Variants in RBFOX1 observed in about 807,000 individuals in gnomAD.
The protein encoded by RBFOX1 is RNA binding protein fox-1 homolog 1.
A neutral mutation model predicts 57.7 loss-of-function variants in RBFOX1; 8 were observed. The observed-to-expected ratio is 0.14, with a 90% CI of 0.08 to 0.25. The LOEUF (loss-of-function observed/expected upper bound fraction) is 0.25, where lower values mean the gene tolerates loss of function less well. RBFOX1 is among the 10% of genes least tolerant of loss of function. The probability of loss-of-function intolerance (pLI) is 1.00; values close to 1 mark genes in which losing one functional copy is unlikely to be tolerated. For missense variants in RBFOX1, 611 were observed against 548.5 expected, an observed-to-expected ratio of 1.11 and a Z score of -1.14; for synonymous variants, 326 against 222.4, an observed-to-expected ratio of 1.47 and a Z score of -4.15.
chr16:6,120,954 C>T (rs7202799), intron 1 of RBFOX1, among the ~76,000 whole-genome samples: 3 of 152,052 alleles, frequency 2.0e-5, no homozygotes, highest in East Asian at 1.9e-4. Context: ...GCTTGTTCTT[C>T]CTGCAGATTT....
At chr16:7,312,352 C>T (rs968030440) in intron 4 of RBFOX1, among the ~76,000 whole-genome samples, 5 of 152,194 alleles carry the variant, frequency 3.3e-5, no homozygotes, top group African/African-American at 9.7e-5. Context: ...TGCACTCCAG[C>T]CTGGGCAACA....
intron 4 of RBFOX1, among the ~76,000 whole-genome samples, chr16:7,515,771 T>G (rs2076221483): frequency 6.6e-6 from 1 of 152,156 alleles, no homozygotes. Flanking sequence ...GTTCCTCAGT[T>G]TCTTCTCTTC....
intron 4 of RBFOX1, among the ~76,000 whole-genome samples, chr16:7,107,610 G>T (rs542450512): frequency 2.6e-5 from 4 of 151,958 alleles, no homozygotes; most frequent in Non-Finnish European, 5.9e-5. Context: ...TTCCTACGTC[G>T]CTGACATCCT....
chr16:6,092,716 T>G (rs2096193619), intron 1 of RBFOX1: 1 of 152,186 alleles, frequency 6.6e-6, no homozygotes, highest in Non-Finnish European at 1.5e-5. Context: ...TGGCATTATT[T>G]CTGGGCCCTC....
chr16:5,524,999 G>C (rs925534404), intron 2 of RBFOX1, among the ~76,000 whole-genome samples: 4 of 152,160 alleles, frequency 2.6e-5, no homozygotes, highest in African/African-American at 9.7e-5. Context: ...AAAGTTGTTT[G>C]TGTGATTATT....
At chr16:5,454,949 TCCTTC>T (rs2068571264) in intron 1 of RBFOX1, among the ~76,000 whole-genome samples, 1 of 54,266 alleles carries the variant, frequency 1.8e-5, no homozygotes, top group African/African-American at 6.2e-5. Flanking sequence ...CTTCCTTCCT[TCCTTC>T]CTTCCTTTCT....
At chr16:7,510,406 T>C (rs552543122) in intron 4 of RBFOX1, 1 of 921,264 alleles carries the variant, frequency 1.1e-6, no homozygotes, top group African/African-American at 1.8e-5. Context: ...GTGCTGTCGG[T>C]GACACGTAGC....
intron 2 of RBFOX1, among the ~76,000 whole-genome samples, chr16:5,588,237 A>G (rs549508028): frequency 6.6e-6 from 1 of 152,284 alleles, no homozygotes; most frequent in South Asian, 2.1e-4. Flanking sequence ...GATGGAGGTG[A>G]TGGAGTTTCA....
chr16:6,416,025 C>A (rs934107767), intron 2 of RBFOX1, among the ~76,000 whole-genome samples: 1 of 152,188 alleles, frequency 6.6e-6, no homozygotes, highest in Non-Finnish European at 1.5e-5. Context: ...GCTGCTGTTT[C>A]TGAGATGAGC....
chr16:6,833,269 G>A (rs1042556104), intron 3 of RBFOX1, among the ~76,000 whole-genome samples: 1 of 151,896 alleles, frequency 6.6e-6, no homozygotes, highest in Non-Finnish European at 1.5e-5. Context: ...AGATTGAAGA[G>A]ATTCTCCTGC....
chr16:5,638,530 C>G (rs926512070), intron 3 of RBFOX1, among the ~76,000 whole-genome samples: 15 of 152,288 alleles, frequency 9.8e-5, no homozygotes, highest in African/African-American at 3.4e-4. Flanking sequence ...CAGTCCCCAA[C>G]AAACACAGTG....
chr16:7,122,381 T>C (rs1192810641), intron 4 of RBFOX1, among the ~76,000 whole-genome samples: 3 of 152,180 alleles, frequency 2.0e-5, no homozygotes, highest in Non-Finnish European at 4.4e-5. Flanking sequence ...CATACTCCTT[T>C]CTTATTGGGT....
intron 3 of RBFOX1, among the ~76,000 whole-genome samples, chr16:5,834,935 C>T (rs576561771): frequency 4.6e-5 from 7 of 152,298 alleles, no homozygotes; most frequent in African/African-American, 1.7e-4. Flanking sequence ...GCGTTTTCCA[C>T]AGAGGTGTTA....
chr16:7,015,126 A>C (rs999649769), intron 3 of RBFOX1, among the ~76,000 whole-genome samples: 1 of 152,188 alleles, frequency 6.6e-6, no homozygotes, highest in African/African-American at 2.4e-5. Flanking sequence ...GTTAAGGGTC[A>C]GTTCATGTTC....
In RBFOX1 at chr16:6,816,342, G is replaced by A. The variant is rs1341647221; in HGVS notation, c.-16+161692G>A. ...ATTCAGTCAACAATCATTGTGTCAT[G>A]TCTGCCTGCCTGTTGAAAAAGCCTT... On this transcript the variant is annotated intron_variant, in intron 3 of 15. Coordinates refer to ENST00000550418, the MANE Select transcript of RBFOX1 (RefSeq NM_018723.4). Among the ~76,000 whole-genome samples the A allele has an allele frequency of 4.6e-5, 7 of 151,966 alleles. No homozygotes were observed. In the South Asian group the frequency reaches 6.3e-4, roughly 14 times the overall value.
At chr16:7,033,409 A>G (rs948315686) in intron 3 of RBFOX1, among the ~76,000 whole-genome samples, 1 of 152,142 alleles carries the variant, frequency 6.6e-6, no homozygotes, top group Non-Finnish European at 1.5e-5. Flanking sequence ...AATCCCAGCT[A>G]CTTGGGAGGC....
chr16:7,599,934 G>T lies in RBFOX1; in HGVS notation c.622+2503G>T, dbSNP rs888199851. Among the ~76,000 whole-genome samples the T allele has an allele frequency of 7.9e-5, 12 of 151,958 alleles. No homozygotes were observed. In the East Asian group the frequency reaches 1.2e-3, roughly 15 times the overall value. On this transcript the variant is annotated intron_variant, in intron 9 of 15. Transcript: ENST00000550418. ...TTACAGGCATGAGCCACCACTTCTG[G>T]CCTAGCCTTTTCTTTTTGTTATGAA...
At chr16:5,587,610 G>T (rs1457403502) in intron 2 of RBFOX1, among the ~76,000 whole-genome samples, 1 of 152,222 alleles carries the variant, frequency 6.6e-6, no homozygotes, top group Non-Finnish European at 1.5e-5. Context: ...CTAATCTGGA[G>T]GCTGAGGCAG....
intron 3 of RBFOX1, among the ~76,000 whole-genome samples, chr16:6,790,263 C>T (rs894980336): frequency 9.9e-5 from 15 of 151,568 alleles, no homozygotes; most frequent in African/African-American, 3.6e-4. Flanking sequence ...TAGCTTAGTG[C>T]AACCTCTGCC....
Sources: gnomAD v4.1 joint callset for allele counts (sites outside exome capture counted in the v4.1 genomes callset) on GRCh38, gnomAD v4.1.1 for gene constraint, MANE v1.5 for transcripts, NCBI Gene and HGNC (gene_info 2026-07-23, HGNC 2026-07-21) for gene names.